Variants in EXOC6 observed in about 807,000 individuals in gnomAD.
EXOC6 encodes SEC15-like 1.
Under a neutral mutation model 112.5 loss-of-function variants are expected in EXOC6, and 60 were observed. The observed-to-expected ratio is 0.53, with a 90% CI of 0.43 to 0.66. EXOC6 has a LOEUF of 0.66. Among genes scored for constraint, EXOC6 ranks in the 30% least tolerant of loss-of-function variants. The pLI is 0.00. For missense variants in EXOC6, 855 were observed against 957.1 expected (o/e 0.89, Z 1.41); for synonymous variants, 295 against 308.0 (o/e 0.96, Z 0.44).
At chr10:92,931,817 G>A (rs1852055763) in intron 9 of EXOC6, among the ~76,000 whole-genome samples, 2 of 151,966 alleles carry the variant, frequency 1.3e-5, no homozygotes, top group Non-Finnish European at 1.5e-5. Flanking sequence ...TGAATCAAGT[G>A]GAACTCTCAT....
chr10:92,954,486 T>A (rs889371624), intron 15 of EXOC6, 144 bp from the exon 16 acceptor site: 1 of 445,024 alleles, frequency 2.2e-6, no homozygotes, highest in Admixed American at 4.2e-5. Context: ...TGTGATTTAA[T>A]AAATATGGGT....
At chr10:92,990,978 A>G (rs1226792429) in intron 18 of EXOC6, among the ~76,000 whole-genome samples, 1 of 152,186 alleles carries the variant, frequency 6.6e-6, no homozygotes, top group Non-Finnish European at 1.5e-5. Context: ...ACTTTGTGCT[A>G]TCTTTTTGTG....
At chr10:93,022,316 A>T (rs976061) in intron 20 of EXOC6, among the ~76,000 whole-genome samples, 2,594 of 152,268 alleles carry the variant, frequency 0.017, 68 homozygotes, top group African/African-American at 0.058. Flanking sequence ...TGATGTGTGT[A>T]GAATTGTTAG....
upstream of EXOC6, among the ~76,000 whole-genome samples, chr10:92,845,464 A>C (rs1336722458): frequency 6.6e-6 from 1 of 151,650 alleles, no homozygotes; most frequent in Non-Finnish European, 1.5e-5. Context: ...GAGGCAGGAG[A>C]ATCGCTTGAA....
intron 18 of EXOC6, among the ~76,000 whole-genome samples, chr10:92,977,676 G>GACACACACACACACAC (rs10636165): frequency 6.6e-6 from 1 of 150,606 alleles, no homozygotes; most frequent in East Asian, 2.0e-4. Context: ...CGTGCTTGCA[G>GACACACACACACACAC]ACACACACAC....
At chr10:92,858,012 G>C (rs1847694152) in intron 1 of EXOC6, among the ~76,000 whole-genome samples, 1 of 138,550 alleles carries the variant, frequency 7.2e-6, no homozygotes, top group Admixed American at 7.4e-5. Flanking sequence ...AAGATTTTTA[G>C]TTGACGGGTT....
At chr10:92,940,874 C>T (rs1318529189) in intron 13 of EXOC6, 50 bp downstream of exon 13, 3 of 1,172,344 alleles carry the variant, frequency 2.6e-6, no homozygotes, top group Non-Finnish European at 2.5e-6. Context: ...TTGTCAAATG[C>T]TCAAGTGGTT....
At chr10:93,000,374 G>A (rs1324624858) in intron 19 of EXOC6, among the ~76,000 whole-genome samples, 2 of 152,122 alleles carry the variant, frequency 1.3e-5, no homozygotes, top group Non-Finnish European at 2.9e-5. Flanking sequence ...TCACTATCCT[G>A]CCATAGGATA....
intron 18 of EXOC6, among the ~76,000 whole-genome samples, chr10:92,980,092 A>G (rs2134118287): frequency 6.6e-6 from 1 of 152,296 alleles, no homozygotes; most frequent in Admixed American, 6.5e-5. Flanking sequence ...CCTGCTAAAT[A>G]TAGTATCTTC....
intron 20 of EXOC6, among the ~76,000 whole-genome samples, chr10:93,020,204 C>T (rs1460672994): frequency 1.3e-5 from 2 of 152,038 alleles, no homozygotes. Flanking sequence ...CTACAAGTCT[C>T]CAAACTAATG....
chr10:92,836,780 T>C (rs1043185169), intron 1 of EXOC6, among the ~76,000 whole-genome samples: 1 of 152,184 alleles, frequency 6.6e-6, no homozygotes, highest in African/African-American at 2.4e-5. Context: ...TAACTGTGCT[T>C]AAGGAACACA....
At chr10:93,019,951 T>C (rs899994400) in intron 20 of EXOC6, among the ~76,000 whole-genome samples, 3 of 152,136 alleles carry the variant, frequency 2.0e-5, no homozygotes, top group African/African-American at 7.2e-5. Flanking sequence ...GTCCATATGG[T>C]GAATCACTAT....
chr10:92,910,907 T>C (rs1270401902), intron 6 of EXOC6, among the ~76,000 whole-genome samples: 3 of 52,922 alleles, frequency 5.7e-5, no homozygotes, highest in Non-Finnish European at 1.1e-4. Flanking sequence ...CCAGCCTGGG[T>C]GACAGAGCGA....
intron 9 of EXOC6, among the ~76,000 whole-genome samples, chr10:92,929,341 A>G (rs970534298): frequency 1.3e-5 from 2 of 152,226 alleles, no homozygotes; most frequent in African/African-American, 2.4e-5. Flanking sequence ...TTCATCATAC[A>G]TGGATAGTCA....
At chr10:92,950,120 AAAG>A (rs1853313825) in intron 14 of EXOC6, among the ~76,000 whole-genome samples, 1 of 152,258 alleles carries the variant, frequency 6.6e-6, no homozygotes, top group Non-Finnish European at 1.5e-5. Context: ...TCATTATTAA[AAAG>A]AAGAACTGTT....
chr10:92,914,436 G>A (rs1458037385), intron 6 of EXOC6, among the ~76,000 whole-genome samples: 3 of 152,212 alleles, frequency 2.0e-5, no homozygotes, highest in African/African-American at 7.2e-5. Flanking sequence ...GATACAATAT[G>A]TAATATTTAT....
intron 5 of EXOC6, chr10:92,900,619 C>T (rs1850111079): frequency 1.3e-5 from 2 of 150,242 alleles, no homozygotes; most frequent in African/African-American, 2.4e-5. Flanking sequence ...TATATATCCT[C>T]ACATTTTAAA....
chr10:92,965,690 A>G (rs1010899503), intron 17 of EXOC6, among the ~76,000 whole-genome samples: 9 of 152,334 alleles, frequency 5.9e-5, no homozygotes, highest in Admixed American at 2.0e-4. Context: ...ATTCCTATGT[A>G]TAACTACAGG....
chr10:92,859,840 T>C (rs865943799), intron 1 of EXOC6, among the ~76,000 whole-genome samples: 3,185 of 151,502 alleles, frequency 0.021, 50 homozygotes, highest in African/African-American at 0.04. Context: ...TGTGTGTGTG[T>C]GTGTGTGTGT....
Sources: allele counts gnomAD v4.1 joint callset (sites outside exome capture counted in the v4.1 genomes callset), GRCh38; gene constraint gnomAD v4.1.1; transcripts MANE v1.5; gene names NCBI Gene and HGNC (gene_info 2026-07-23, HGNC 2026-07-21).